IFT80: variants seen among roughly 807,000 people sequenced by gnomAD.
IFT80 encodes intraflagellar transport 80.
In IFT80, 79 loss-of-function variants were observed where a neutral mutation model predicts 107.9. The observed-to-expected ratio is 0.73, with a 90% CI of 0.61 to 0.88. The LOEUF (loss-of-function observed/expected upper bound fraction) is 0.88. Among genes scored for constraint, IFT80 ranks in the 40% least tolerant of loss-of-function variants. The pLI, the probability that IFT80 is intolerant of heterozygous loss-of-function variation, is 0.00. For missense variants in IFT80, 797 were observed against 914.2 expected (o/e 0.87, Z 1.65); for synonymous variants, 299 against 300.9 (o/e 0.99, Z 0.07).
intron 8 of IFT80, among the ~76,000 whole-genome samples, chr3:160,326,132 CT>C (rs1718660056): frequency 6.6e-6 from 1 of 151,954 alleles, no homozygotes; most frequent in Non-Finnish European, 1.5e-5. Flanking sequence ...ACACGTACCC[CT>C]GAACTCAAAA....
intron 2 of IFT80, chr3:160,384,032 G>A (rs757097482): frequency 3.8e-5 from 25 of 653,616 alleles, no homozygotes; most frequent in Non-Finnish European, 4.7e-5. Flanking sequence ...ATCACCTGAG[G>A]TCGAGAGTTC....
At position 160,319,905 on chromosome 3, in the gene IFT80, C is replaced by T. The variant is rs1718080120; in HGVS notation, c.812G>A (p.Ser271Asn). 1 of 1,611,894 alleles carries T rather than the reference C, an allele frequency of 6.2e-7. No individual in the cohort carries two copies. The highest frequency in any genetic ancestry group is 8.5e-7 in the Non-Finnish European group (1 of 1,179,110). Residue 271 changes from serine to asparagine, a missense_variant, in exon 9 of 20, where the codon AGC becomes AAC. Transcript: ENST00000326448. ...SYALEKPNTG[S>N]IFNIAWSIDG... ...GATAGACCATGCAATATTAAATATG[C>T]TGCCAGTGTTGGGTTTTTCTAATGC...
At chr3:160,350,096 C>A (rs138332821) in intron 8 of IFT80, among the ~76,000 whole-genome samples, 25 of 152,056 alleles carry the variant, frequency 1.6e-4, no homozygotes, top group African/African-American at 5.8e-4. Flanking sequence ...TCTATAAAGG[C>A]AATTTCTGCT....
chr3:160,354,698 C>T (rs910829412), intron 8 of IFT80, among the ~76,000 whole-genome samples: 12 of 152,048 alleles, frequency 7.9e-5, no homozygotes, highest in Non-Finnish European at 1.8e-4. Flanking sequence ...ATGAATGGGA[C>T]TCACTATGGT....
At chr3:160,348,464 C>T (rs1208818878) in intron 8 of IFT80, among the ~76,000 whole-genome samples, 1 of 152,120 alleles carries the variant, frequency 6.6e-6, no homozygotes, top group Non-Finnish European at 1.5e-5. Flanking sequence ...AATACAAAAA[C>T]AAGTATTTGA....
At chr3:160,339,019 G>GT (rs1436471069) in intron 8 of IFT80, among the ~76,000 whole-genome samples, 4 of 152,100 alleles carry the variant, frequency 2.6e-5, no homozygotes, top group Admixed American at 2.0e-4. Flanking sequence ...TCAATGAAAG[G>GT]TAACTCAAAA....
At chr3:160,379,347 T>A (rs1212418071) in intron 3 of IFT80, among the ~76,000 whole-genome samples, 1 of 152,138 alleles carries the variant, frequency 6.6e-6, no homozygotes, top group African/African-American at 2.4e-5. Flanking sequence ...AAAAATAAAC[T>A]TCTATGGAAA....
At chr3:160,303,139 A>G (rs1716565750) in intron 11 of IFT80, among the ~76,000 whole-genome samples, 1 of 152,212 alleles carries the variant, frequency 6.6e-6, no homozygotes, top group Non-Finnish European at 1.5e-5. Context: ...GGAATGAGGA[A>G]TAAAGCACAT....
intron 1 of IFT80, among the ~76,000 whole-genome samples, chr3:160,388,224 T>C (rs1479414511): frequency 4.6e-5 from 7 of 151,626 alleles, no homozygotes; most frequent in African/African-American, 1.7e-4. Flanking sequence ...TTCTTTTTTT[T>C]TTTTTTTCAG....
intron 8 of IFT80, among the ~76,000 whole-genome samples, chr3:160,330,162 T>C (rs1265934934): frequency 6.6e-6 from 1 of 152,172 alleles, no homozygotes; most frequent in African/African-American, 2.4e-5. Context: ...CTGCACATTA[T>C]TATTATCTTA....
rs1716634182 is a variant in IFT80 at position 160,303,963 on chromosome 3, A to G, written c.1103T>C (p.Ile368Thr). The change falls in exon 11 of 20, where the codon ATA becomes ACA. Residue 368 changes from isoleucine (I) to threonine (T), a missense_variant. Ile to Thr is a moderately conservative substitution (Grantham distance 89). Transcript: ENST00000326448. ...AACAGTTCCTTCTTTGAGATCAAAT[A>G]TAATTGGTGTGTTCCAGTTCTTCGT... ...FSTKNWNTPI[I>T]FDLKEGTVSL... is the part of the protein sequence containing the mutation. 1.9e-6 allele frequency: 3 copies of G among 1,611,404 alleles called. No individual in the cohort carries two copies. Among genetic ancestry groups the G allele is most frequent in the Non-Finnish European group, 2.5e-6 (3 of 1,177,802 alleles).
At chr3:160,369,996 A>G (rs1722122678) in intron 5 of IFT80, among the ~76,000 whole-genome samples, 1 of 152,074 alleles carries the variant, frequency 6.6e-6, no homozygotes. Context: ...TCTCTCCATA[A>G]AACAAATTAT....
chr3:160,358,773 C>T (rs991316033), intron 6 of IFT80, among the ~76,000 whole-genome samples: 2 of 152,100 alleles, frequency 1.3e-5, no homozygotes, highest in Non-Finnish European at 2.9e-5. Flanking sequence ...ACATATATTA[C>T]AAATATTTGC....
intron 12 of IFT80, among the ~76,000 whole-genome samples, chr3:160,292,012 C>T (rs1327204779): frequency 6.6e-6 from 1 of 152,174 alleles, no homozygotes; most frequent in Non-Finnish European, 1.5e-5. Flanking sequence ...AACTTTCTGT[C>T]TGCCCATGAC....
At chr3:160,259,972 T>C (rs1712684370) in intron 19 of IFT80, among the ~76,000 whole-genome samples, 1 of 152,196 alleles carries the variant, frequency 6.6e-6, no homozygotes, top group East Asian at 1.9e-4. Context: ...GTAATCTCAG[T>C]CTGCTTGAAC....
intron 1 of IFT80, among the ~76,000 whole-genome samples, chr3:160,390,597 G>T (rs1050396955): frequency 1.3e-5 from 2 of 152,148 alleles, no homozygotes; most frequent in Non-Finnish European, 2.9e-5. Flanking sequence ...AAGATAGATG[G>T]TTGGAGATGG....
At chr3:160,288,201 C>T (rs1715246773) in intron 12 of IFT80, among the ~76,000 whole-genome samples, 1 of 152,072 alleles carries the variant, frequency 6.6e-6, no homozygotes, top group South Asian at 2.1e-4. Context: ...GGCGTGGCAG[C>T]CTGCGCCTGT....
chr3:160,361,118 G>A (rs1052822734), intron 6 of IFT80, among the ~76,000 whole-genome samples: 2 of 152,188 alleles, frequency 1.3e-5, no homozygotes, highest in African/African-American at 4.8e-5. Flanking sequence ...TCAGTGTGCT[G>A]TATTCAGGAG....
intron 12 of IFT80, among the ~76,000 whole-genome samples, chr3:160,286,785 CT>C (rs1170227909): frequency 6.6e-6 from 1 of 152,158 alleles, no homozygotes; most frequent in African/African-American, 2.4e-5. Context: ...GTGTTATGTG[CT>C]ACTCAGTTTT....
Sources: gnomAD v4.1 joint callset for allele counts (sites outside exome capture counted in the v4.1 genomes callset) on GRCh38, gnomAD v4.1.1 for gene constraint, MANE v1.5 for transcripts, NCBI Gene and HGNC (gene_info 2026-07-23, HGNC 2026-07-21) for gene names.